DTNB: variants seen among roughly 807,000 people sequenced by gnomAD.
DTNB encodes DTN-B.
In DTNB, 63 loss-of-function variants were observed where a neutral mutation model predicts 90.7. The observed-to-expected ratio is 0.69, with a 90% CI of 0.57 to 0.86. DTNB has a LOEUF of 0.86. Ranked by LOEUF, DTNB falls within the 40% of genes least tolerant of loss-of-function variation. The probability of loss-of-function intolerance (pLI) is 0.00; values close to 1 mark genes in which losing one functional copy is unlikely to be tolerated. For missense variants in DTNB, 744 were observed against 807.1 expected (o/e 0.92, Z 0.95); for synonymous variants, 277 against 286.7 (o/e 0.97, Z 0.34).
intron 18 of DTNB, among the ~76,000 whole-genome samples, chr2:25,386,477 C>T (rs999474335): frequency 6.6e-6 from 1 of 152,180 alleles, no homozygotes; most frequent in Non-Finnish European, 1.5e-5. Flanking sequence ...GTGTGAGTGA[C>T]CTACAGCGCT....
At chr2:25,576,686 A>T in intron 8 of DTNB, 152 bp downstream of exon 8, 3 of 996,650 alleles carry the variant, frequency 3.0e-6, no homozygotes, top group Non-Finnish European at 4.1e-6. Flanking sequence ...AGGAAGCACA[A>T]CATTTTTGCA....
intron 9 of DTNB, among the ~76,000 whole-genome samples, chr2:25,503,412 G>C (rs2071377129): frequency 6.6e-6 from 1 of 152,032 alleles, no homozygotes; most frequent in Non-Finnish European, 1.5e-5. Flanking sequence ...AGGATCACTT[G>C]AGCCCAGGAG....
At chr2:25,623,640 C>G (rs1441401274) in intron 4 of DTNB, among the ~76,000 whole-genome samples, 2 of 152,164 alleles carry the variant, frequency 1.3e-5, no homozygotes, top group Admixed American at 6.5e-5. Flanking sequence ...CACATCCTTT[C>G]TTGAAGAAAA....
chr2:25,379,273 G>A lies in DTNB; in HGVS notation c.*29+17C>T, dbSNP rs2304426. On this transcript the variant is annotated intron_variant, in intron 20 of 20. Transcript: ENST00000406818. Reference sequence around the variant, plus strand: ...GAGGGAGGGGCCGTGGGGAGGCAGAGGACTCTTTGTACTCACCTGAGCTTC... The same window carrying A: ...GAGGGAGGGGCCGTGGGGAGGCAGAAGACTCTTTGTACTCACCTGAGCTTC... 799,675 of 1,326,550 alleles carry A rather than the reference G, an allele frequency of 0.6. 246,453 individuals carry two copies. The highest frequency in any genetic ancestry group is 0.63 in the Non-Finnish European group (648,330 of 1,029,944). The allele number at this position is 1,326,550 out of a possible 1,614,324, so 82.2% of individuals were successfully genotyped here.
intron 16 of DTNB, among the ~76,000 whole-genome samples, chr2:25,417,479 A>G (rs926238872): frequency 5.3e-5 from 8 of 152,222 alleles, no homozygotes; most frequent in Non-Finnish European, 1.0e-4. Context: ...TGTCTACTGG[A>G]AGCTCTACTG....
At chr2:25,396,369 G>T (rs1395828893) in intron 16 of DTNB, among the ~76,000 whole-genome samples, 1 of 152,144 alleles carries the variant, frequency 6.6e-6, no homozygotes, top group Non-Finnish European at 1.5e-5. Context: ...AAATTAGCCA[G>T]ATGTGGTGGT....
Position 25,596,247 on chromosome 2 carries a change from G to T in DTNB, c.449-7C>A, listed in dbSNP as rs2064609029. Reference sequence around the variant, plus strand: ...GACATCTGGGAGAAAACATCTATGAGAACAAAACCAAATAAAGTCAAGCTA... The same window carrying T: ...GACATCTGGGAGAAAACATCTATGATAACAAAACCAAATAAAGTCAAGCTA... On this transcript the variant is annotated splice_region_variant and splice_polypyrimidine_tract_variant and intron_variant, in intron 5 of 20. Transcript: ENST00000406818. The T allele has an allele frequency of 6.3e-7, 1 of 1,594,772 alleles. No homozygotes were observed. Among genetic ancestry groups the T allele is most frequent in the African/African-American group, 1.4e-5 (1 of 73,618 alleles).
chr2:25,389,421 C>T (rs911358852), intron 16 of DTNB, among the ~76,000 whole-genome samples: 10 of 152,176 alleles, frequency 6.6e-5, no homozygotes, highest in African/African-American at 1.2e-4. Flanking sequence ...CCCGCGGGGA[C>T]GAGGTGAGAA....
intron 1 of DTNB, among the ~76,000 whole-genome samples, chr2:25,655,252 T>C (rs1354894306): frequency 6.6e-6 from 1 of 152,168 alleles, no homozygotes; most frequent in East Asian, 1.9e-4. Flanking sequence ...TTCCTCTTAC[T>C]ACAAGAGGGC....
chr2:25,404,738 C>T (rs942406574), intron 16 of DTNB, among the ~76,000 whole-genome samples: 1 of 152,116 alleles, frequency 6.6e-6, no homozygotes, highest in Non-Finnish European at 1.5e-5. Context: ...GACTGTAATC[C>T]CAGCTACTCG....
intron 10 of DTNB, among the ~76,000 whole-genome samples, chr2:25,455,762 C>T (rs989057477): frequency 6.6e-6 from 1 of 152,174 alleles, no homozygotes; most frequent in Non-Finnish European, 1.5e-5. Context: ...CCTGTTGAGT[C>T]GGCAGGGGAG....
intron 11 of DTNB, among the ~76,000 whole-genome samples, chr2:25,454,246 A>G (rs1465411169): frequency 6.6e-6 from 1 of 152,174 alleles, no homozygotes; most frequent in Non-Finnish European, 1.5e-5. Flanking sequence ...TATCAGGAAA[A>G]CTATGGAAAA....
At chr2:25,539,577 C>CT (rs376900916) in intron 8 of DTNB, among the ~76,000 whole-genome samples, 11,725 of 123,270 alleles carry the variant, frequency 0.095, 726 homozygotes, top group Middle Eastern at 0.18. Flanking sequence ...ACTGGATTGC[C>CT]TTTTTTTTTT....
chr2:25,575,386 CT>C (rs546902070), intron 8 of DTNB, among the ~76,000 whole-genome samples: 1 of 151,414 alleles, frequency 6.6e-6, no homozygotes, highest in Non-Finnish European at 1.5e-5. Context: ...TGTTTTTTTC[CT>C]TTTTTTGGAT....
chr2:25,603,725 G>A (rs2066414664), intron 5 of DTNB, among the ~76,000 whole-genome samples: 1 of 152,066 alleles, frequency 6.6e-6, no homozygotes. Flanking sequence ...TATAACAGGA[G>A]CATTAATAGA....
At chr2:25,535,782 A>ATG (rs2079531445) in intron 8 of DTNB, among the ~76,000 whole-genome samples, 1 of 89,226 alleles carries the variant, frequency 1.1e-5, no homozygotes, top group African/African-American at 4.6e-5. Flanking sequence ...AGGCAGAGGC[A>ATG]CTCCTCACTT....
intron 16 of DTNB, among the ~76,000 whole-genome samples, chr2:25,395,543 CATAAAT>C (rs549907819): frequency 6.5e-4 from 96 of 148,488 alleles, no homozygotes; most frequent in African/African-American, 2.1e-3. Context: ...ACAATATATA[CATAAAT>C]ATAAATATAA....
At chr2:25,419,288 TG>T in intron 16 of DTNB, 5 of 631,830 alleles carry the variant, frequency 7.9e-6, no homozygotes, top group Non-Finnish European at 1.4e-5. Flanking sequence ...GCACAACAGA[TG>T]GGTACTTACA....
intron 9 of DTNB, among the ~76,000 whole-genome samples, chr2:25,516,354 C>G (rs2075111898): frequency 6.6e-6 from 1 of 152,046 alleles, no homozygotes; most frequent in Non-Finnish European, 1.5e-5. Context: ...TCAAGTCATC[C>G]TTCTACCTCA....
Sources: allele counts gnomAD v4.1 joint callset (sites outside exome capture counted in the v4.1 genomes callset), GRCh38; gene constraint gnomAD v4.1.1; transcripts MANE v1.5; gene names NCBI Gene and HGNC (gene_info 2026-07-23, HGNC 2026-07-21).